Variants in ALDH8A1 observed in about 807,000 individuals in gnomAD.
ALDH8A1 encodes 2-aminomuconic semialdehyde dehydrogenase.
A neutral mutation model predicts 43.3 loss-of-function variants in ALDH8A1; 39 were observed. The observed-to-expected ratio is 0.90, with a 90% CI of 0.70 to 1.18. ALDH8A1 has a LOEUF of 1.18. ALDH8A1 is among the 50% of genes most tolerant of loss of function. ALDH8A1 has a pLI of 0.00. For missense variants in ALDH8A1, 605 were observed against 622.6 expected (o/e 0.97, Z 0.30); for synonymous variants, 233 against 243.5 (o/e 0.96, Z 0.40).
intron 5 of ALDH8A1, among the ~76,000 whole-genome samples, chr6:134,929,818 A>G (rs1776953046): frequency 6.6e-6 from 1 of 152,188 alleles, no homozygotes; most frequent in South Asian, 2.1e-4. Flanking sequence ...ATCATGAAAA[A>G]ATAAGGGAAG....
rs767931960 is a variant in ALDH8A1, at chr6:134,918,496, C to G, written c.1383G>C (p.Lys461Asn). The change falls in exon 7 of 7, where the codon AAG becomes AAC. Residue 461 changes from lysine (K) to asparagine (N), a missense_variant. Coordinates refer to ENST00000265605, the MANE Select transcript of ALDH8A1 (RefSeq NM_022568.4). ...RELNLPFGGM[K>N]SSGIGREGAK... is the part of the protein sequence containing the mutation. ...CTCCCTCTCTACCTATTCCAGAACT[C>G]TTCATCCCCCCGAAAGGAAGGTTCA... is the stretch of plus-strand genomic sequence containing the variant. 1.2e-6 allele frequency: 2 copies of G among 1,614,162 alleles called. No homozygotes were observed. Among genetic ancestry groups the G allele is most frequent in the Admixed American group, 3.3e-5 (2 of 60,014 alleles).
At chr6:134,942,339 C>A in intron 3 of ALDH8A1, 70 bp downstream of exon 3, 1 of 1,451,476 alleles carries the variant, frequency 6.9e-7, no homozygotes, top group Non-Finnish European at 9.2e-7. Flanking sequence ...TCCTTGAGGA[C>A]AATGCCATAG....
intron 2 of ALDH8A1, among the ~76,000 whole-genome samples, chr6:134,943,372 C>G (rs1000563379): frequency 1.3e-5 from 2 of 151,632 alleles, no homozygotes; most frequent in Non-Finnish European, 2.9e-5. Flanking sequence ...TGAGATGTGT[C>G]GGGAGTGGAA....
rs1776936399 is a variant in ALDH8A1 at position 134,929,175 on chromosome 6, T to C, written c.890A>G (p.Lys297Arg). 1.2e-6 allele frequency: 2 copies of C among 1,614,066 alleles called. No individual in the cohort carries two copies. The highest frequency in any genetic ancestry group is 2.7e-5 in the African/African-American group (2 of 74,940). Residue 297 changes from lysine (K) to arginine (R), a missense_variant, in exon 6 of 7, where the codon AAG (lysine) becomes AGG (arginine). Lys to Arg is a conservative substitution (Grantham distance 26). Transcript: ENST00000265605. The part of the protein sequence containing the change: ...CLCTSRIFVQ[K>R]SIYSEFLKRF... ...CTTTAAAAATTCACTATAGATGCTC[T>C]TCTGGACAAAGATCCTGCTGGTACA... is the stretch of plus-strand genomic sequence containing the variant.
intron 1 of ALDH8A1, among the ~76,000 whole-genome samples, chr6:134,946,620 T>C (rs185382592): frequency 2.6e-4 from 39 of 152,350 alleles, no homozygotes; most frequent in Admixed American, 1.4e-3. Context: ...CCTCATTTTA[T>C]AGATGAGGAG....
At chr6:134,933,662 C>G (rs1039694952) in intron 4 of ALDH8A1, among the ~76,000 whole-genome samples, 5 of 152,164 alleles carry the variant, frequency 3.3e-5, no homozygotes, top group African/African-American at 1.2e-4. Flanking sequence ...CTCTGCTACC[C>G]TGTATCTTCG....
intron 4 of ALDH8A1, among the ~76,000 whole-genome samples, chr6:134,938,263 G>T (rs969080398): frequency 6.6e-6 from 1 of 152,194 alleles, no homozygotes; most frequent in Non-Finnish European, 1.5e-5. Flanking sequence ...TCACATTAAG[G>T]GGACTTCTCA....
At chr6:134,943,321 C>T (rs1773892333) in intron 2 of ALDH8A1, among the ~76,000 whole-genome samples, 2 of 152,174 alleles carry the variant, frequency 1.3e-5, no homozygotes, top group African/African-American at 4.8e-5. Flanking sequence ...CAAATATTTA[C>T]TCCATTACTC....
intron 3 of ALDH8A1, among the ~76,000 whole-genome samples, chr6:134,941,181 T>C (rs1435306483): frequency 1.3e-5 from 2 of 152,190 alleles, no homozygotes; most frequent in Non-Finnish European, 2.9e-5. Flanking sequence ...CACTTATTAA[T>C]TTATTTAATG....
At chr6:134,935,514 C>A (rs957420413) in intron 4 of ALDH8A1, among the ~76,000 whole-genome samples, 1 of 152,130 alleles carries the variant, frequency 6.6e-6, no homozygotes, top group Non-Finnish European at 1.5e-5. Flanking sequence ...TTTATAATAT[C>A]CAAAAAGAAA....
At chr6:134,944,922 T>A (rs950218640) in intron 1 of ALDH8A1, among the ~76,000 whole-genome samples, 1 of 147,734 alleles carries the variant, frequency 6.8e-6, no homozygotes, top group African/African-American at 2.5e-5. Context: ...ATATACTATA[T>A]ATATATAGTA....
At chr6:134,935,953 CTTTT>C (rs5880239) in intron 4 of ALDH8A1, among the ~76,000 whole-genome samples, 1 of 138,896 alleles carries the variant, frequency 7.2e-6, no homozygotes, top group Non-Finnish European at 1.6e-5. Context: ...AGCCCCACTT[CTTTT>C]TTTTTTTTTT....
intron 6 of ALDH8A1, among the ~76,000 whole-genome samples, chr6:134,922,027 G>A (rs980892707): frequency 6.6e-6 from 1 of 152,230 alleles, no homozygotes; most frequent in Non-Finnish European, 1.5e-5. Context: ...AGGCTCACTC[G>A]GTGTAAAGCC....
In ALDH8A1 at chr6:134,932,995, G is replaced by C. The variant is rs544667948; in HGVS notation, c.630C>G (p.Thr210=). ...CCAGGGCCTCACCCACCCTGGGCCC[G>C]GTTCCAAACACAATATTGACCACAC... ...PPGVVNIVFG[T]GPRVGEALVS... Residue 210 remains threonine (T), a synonymous_variant, in exon 5 of 7, where the codon ACC becomes ACG. Transcript: ENST00000265605. The C allele has an allele frequency of 6.2e-7, 1 of 1,604,358 alleles. No individual in the cohort carries two copies. The highest frequency in any genetic ancestry group is 1.3e-5 in the African/African-American group (1 of 74,690).
chr6:134,928,157 AT>A (rs1386034842), intron 6 of ALDH8A1, among the ~76,000 whole-genome samples: 1 of 152,106 alleles, frequency 6.6e-6, no homozygotes, highest in Non-Finnish European at 1.5e-5. Flanking sequence ...CTACCGCGAG[AT>A]TATTTCATAC....
chr6:134,944,038 C>T (rs1773909211), intron 1 of ALDH8A1, 72 bp from the exon 2 acceptor site: 18 of 1,512,286 alleles, frequency 1.2e-5, no homozygotes, highest in Non-Finnish European at 7.1e-6. Context: ...AAACCAGAAT[C>T]CTCAGGTCTC....
At chr6:134,948,606 GC>G (rs1773993083) in intron 1 of ALDH8A1, among the ~76,000 whole-genome samples, 1 of 152,252 alleles carries the variant, frequency 6.6e-6, no homozygotes, top group South Asian at 2.1e-4. Flanking sequence ...AGCAGCACCA[GC>G]AACATTTTCC....
At chr6:134,946,786 G>GCACAGGTGCACATGTGTGCGCGCA (rs1562261616) in intron 1 of ALDH8A1, among the ~76,000 whole-genome samples, 1 of 150,040 alleles carries the variant, frequency 6.7e-6, no homozygotes. Flanking sequence ...GTGTGCGCGC[G>GCACAGGTGCACATGTGTGCGCGCA]CGCACAGGTG....
intron 6 of ALDH8A1, among the ~76,000 whole-genome samples, chr6:134,925,375 TC>T (rs1296659956): frequency 1.3e-5 from 2 of 152,228 alleles, no homozygotes; most frequent in Non-Finnish European, 1.5e-5. Flanking sequence ...TCAAGCGTTT[TC>T]TTGGAGAAAG....
Sources: allele counts gnomAD v4.1 joint callset (sites outside exome capture counted in the v4.1 genomes callset), GRCh38; gene constraint gnomAD v4.1.1; transcripts MANE v1.5; gene names NCBI Gene and HGNC (gene_info 2026-07-23, HGNC 2026-07-21).